The following ANKHD1 variants were observed in gnomAD, a reference collection of about 807,000 sequenced individuals.
The protein encoded by ANKHD1 is ankyrin repeat and KH domain-containing protein 1.
In ANKHD1, 31 loss-of-function variants were observed where a neutral mutation model predicts 230.5. That is an observed-to-expected ratio of 0.13 (90% CI 0.10 to 0.18). The LOEUF (loss-of-function observed/expected upper bound fraction) is 0.18, where lower values mean the gene tolerates loss of function less well. Ranked by LOEUF, ANKHD1 falls within the 10% of genes least tolerant of loss-of-function variation. ANKHD1 has a pLI of 1.00. For missense variants in ANKHD1, 2,256 were observed against 3,071.3 expected (o/e 0.73, Z 6.27); for synonymous variants, 1,074 against 1,117.6 (o/e 0.96, Z 0.78).
At chr5:140,473,007 A>T (rs919840315) in intron 10 of ANKHD1, among the ~76,000 whole-genome samples, 12 of 151,064 alleles carry the variant, frequency 7.9e-5, no homozygotes, top group African/African-American at 2.9e-4. Context: ...ATCACAAATA[A>T]CTTAGGCCAT....
rs1247826343 is a variant in ANKHD1 at position 140,517,968 on chromosome 5, C to T, written c.4317+4489C>T. ...AGCAGAACTGAAGGAAATAGAGACA[C>T]AAAAAAACCCTTCAAAAAATTAACG... On this transcript the variant is annotated intron_variant, in intron 24 of 33. Transcript: ENST00000360839. Among the ~76,000 whole-genome samples, 3 of 151,668 alleles carry T rather than the reference C, an allele frequency of 2.0e-5. No individual in the cohort carries two copies. The East Asian group carries it at 5.8e-4, about 29-fold the overall frequency.
At chr5:140,538,035 G>C (rs1468589851) in intron 31 of ANKHD1, 51 bp from the exon 32 acceptor site, 1 of 1,558,142 alleles carries the variant, frequency 6.4e-7, no homozygotes, top group South Asian at 1.2e-5. Flanking sequence ...GTAATGTTTT[G>C]TTGTTTTATC....
chr5:140,496,673 A>C lies in ANKHD1; in HGVS notation c.2399A>C (p.Gln800Pro). The C allele has an allele frequency of 6.2e-7, 1 of 1,613,976 alleles. No homozygotes were observed. Among genetic ancestry groups the C allele is most frequent in the Non-Finnish European group, 8.5e-7 (1 of 1,179,982 alleles). ...GQRISAIEKA[Q>P]LKSLELIQGE... is the part of the protein sequence containing the mutation. ...AGAATTAGTGCTATTGAAAAAGCAC[A>C]GCTTAAGTCACTGGAGTTAATTCAA... is the stretch of plus-strand genomic sequence containing the variant. The change falls in exon 15 of 34, where the codon CAG becomes CCG. Residue 800 changes from glutamine to proline, a missense_variant. Gln to Pro is a moderately conservative substitution (Grantham distance 76). Transcript: ENST00000360839.
rs528505670 is a variant in ANKHD1 at position 140,411,045 on chromosome 5, T to C, written c.306+8772T>C. Reference sequence around the variant, plus strand: ...TGTAGTTTTTGGTTACCAAATGCTGTTTTTTAAATAAATCATTGTTTAGTT... The same window carrying C: ...TGTAGTTTTTGGTTACCAAATGCTGCTTTTTAAATAAATCATTGTTTAGTT... On this transcript the variant is annotated intron_variant, in intron 1 of 33. Transcript: ENST00000360839. Among the ~76,000 whole-genome samples the C allele has an allele frequency of 5.9e-5, 9 of 152,344 alleles. No individual in the cohort carries two copies. The South Asian group carries it at 1.9e-3, about 32-fold the overall frequency.
intron 14 of ANKHD1, 77 bp downstream of exon 14, chr5:140,487,137 TAC>T (rs1751544633): frequency 7.0e-7 from 1 of 1,437,964 alleles, no homozygotes; most frequent in South Asian, 1.3e-5. Flanking sequence ...ACTTTAATGA[TAC>T]AGAGTTACTG....
At chr5:140,476,466 C>A (rs1003556712) in intron 10 of ANKHD1, among the ~76,000 whole-genome samples, 1 of 151,836 alleles carries the variant, frequency 6.6e-6, no homozygotes, top group Non-Finnish European at 1.5e-5. Context: ...AGGAAAAAAA[C>A]GCATTACCTA....
Position 140,449,954 on chromosome 5 carries a change from G to C in ANKHD1, c.1242+649G>C, listed in dbSNP as rs551302463. On this transcript the variant is annotated intron_variant, in intron 7 of 33. Transcript: ENST00000360839. ...AACTGTTTTTTTAAAGGATAATGTA[G>C]AATCATACTTTTAATATACAATTCT... is the stretch of plus-strand genomic sequence containing the variant. Among the ~76,000 whole-genome samples, 428 of 152,094 alleles carry C rather than the reference G, an allele frequency of 2.8e-3. 2 individuals carry two copies. Among genetic ancestry groups the C allele is most frequent in the African/African-American group, 0.01 (415 of 41,476 alleles).
chr5:140,462,530 C>T (rs1336341807), intron 9 of ANKHD1, among the ~76,000 whole-genome samples: 4 of 151,510 alleles, frequency 2.6e-5, no homozygotes, highest in Admixed American at 6.6e-5. Context: ...CAAGACCATC[C>T]TGGCTAACAC....
intron 7 of ANKHD1, among the ~76,000 whole-genome samples, chr5:140,457,934 C>A (rs769124438): frequency 1.3e-5 from 2 of 151,760 alleles, no homozygotes; most frequent in Non-Finnish European, 2.9e-5. Context: ...AGAATTGATA[C>A]CCACCATGAG....
chr5:140,494,579 CTT>C (rs926600705), intron 14 of ANKHD1, among the ~76,000 whole-genome samples: 5 of 152,078 alleles, frequency 3.3e-5, no homozygotes, highest in African/African-American at 1.2e-4. Context: ...AGGTGAAAAA[CTT>C]AGACTTTTTT....
chr5:140,440,889 C>T, intron 4 of ANKHD1, 106 bp from the exon 5 acceptor site: 1 of 1,297,324 alleles, frequency 7.7e-7, no homozygotes, highest in Non-Finnish European at 9.8e-7. Context: ...TGATTTTTTC[C>T]CACCCCTATT....
chr5:140,422,871 AG>A (rs769785421), intron 1 of ANKHD1, among the ~76,000 whole-genome samples: 4 of 151,442 alleles, frequency 2.6e-5, no homozygotes, highest in Admixed American at 6.6e-5. Flanking sequence ...TGAAAAAAGA[AG>A]GTAAATTATT....
In ANKHD1 at chr5:140,487,072, A is replaced by C; in HGVS notation, c.2245+12A>C. On this transcript the variant is annotated intron_variant, in intron 14 of 33. Transcript: ENST00000360839. ...AGGAGTGCAAAAAGGTTAGTTATTG[A>C]ATTATTTTTCTTAAAATGGGTATTT... The C allele has an allele frequency of 6.3e-7, 1 of 1,599,080 alleles. No individual in the cohort carries two copies. Among genetic ancestry groups the C allele is most frequent in the African/African-American group, 1.4e-5 (1 of 73,994 alleles).
At chr5:140,413,583 G>T (rs556598174) in intron 1 of ANKHD1, among the ~76,000 whole-genome samples, 64 of 152,194 alleles carry the variant, frequency 4.2e-4, no homozygotes, top group Non-Finnish European at 7.4e-5. Context: ...TTGGAATCAT[G>T]CAGTATTTGT....
intron 1 of ANKHD1, among the ~76,000 whole-genome samples, chr5:140,404,967 C>CTG (rs35692572): frequency 0.012 from 1,647 of 134,882 alleles, 19 homozygotes; most frequent in Non-Finnish European, 0.015. Flanking sequence ...CTGTGCATGT[C>CTG]TGTGTGTGTG....
At chr5:140,430,045 C>T (rs529801490) in intron 1 of ANKHD1, among the ~76,000 whole-genome samples, 15 of 152,264 alleles carry the variant, frequency 9.9e-5, no homozygotes, top group Admixed American at 8.5e-4. Context: ...AATGCTTGTC[C>T]CCCTTCTCCC....
chr5:140,498,365 A>T (rs747013016), intron 15 of ANKHD1, among the ~76,000 whole-genome samples: 6 of 152,190 alleles, frequency 3.9e-5, no homozygotes, highest in Non-Finnish European at 8.8e-5. Flanking sequence ...TAAATGTGGA[A>T]TAAGATTACT....
At chr5:140,477,108 G>T (rs1751010986) in intron 10 of ANKHD1, among the ~76,000 whole-genome samples, 2 of 152,150 alleles carry the variant, frequency 1.3e-5, no homozygotes, top group East Asian at 1.9e-4. Context: ...GATGAGGAAA[G>T]CTTGACAGTG....
chr5:140,469,821 T>C (rs1053446844), intron 10 of ANKHD1, among the ~76,000 whole-genome samples: 5 of 151,044 alleles, frequency 3.3e-5, no homozygotes, highest in African/African-American at 9.7e-5. Flanking sequence ...TATATATATG[T>C]GTATATATGT....
Sources: gnomAD v4.1 joint callset for allele counts (sites outside exome capture counted in the v4.1 genomes callset) on GRCh38, gnomAD v4.1.1 for gene constraint, MANE v1.5 for transcripts, NCBI Gene and HGNC (gene_info 2026-07-23, HGNC 2026-07-21) for gene names.